Variants in MMP26 observed in about 807,000 individuals in gnomAD.
MMP26 encodes matrix metallopeptidase 26.
MMP26 carries 33 observed loss-of-function variants against 31.0 expected under a neutral mutation model. The observed-to-expected ratio is 1.06, with a 90% CI of 0.81 to 1.42. The LOEUF is 1.42. Among genes scored for constraint, MMP26 ranks in the 40% most tolerant of loss-of-function variants. MMP26 has a pLI of 0.00. For synonymous variants in MMP26, 122 were observed against 114.9 expected, an observed-to-expected ratio of 1.06 and a Z score of -0.40; for missense variants, 347 against 316.1, an observed-to-expected ratio of 1.10 and a Z score of -0.74.
rs552667856 is a variant in MMP26 at position 4,723,218 on chromosome 11, C to T, written c.-217+18173C>T. On this transcript the variant is annotated intron_variant, in intron 1 of 7. Coordinates refer to ENST00000380390, the MANE Select transcript of MMP26 (RefSeq NM_021801.5). ...CAGGGAAGCCCTCTGGCCTTTGAGG[C>T]CCTCAATCTCAGCCTGGAGCCGGCT... 1.0e-5 allele frequency: 14 copies of T among 1,402,864 alleles called. No homozygotes were observed. The South Asian group carries it at 1.4e-4, about 14-fold the overall frequency. The allele number at this position is 1,402,864 out of a possible 1,614,324, so 86.9% of individuals were successfully genotyped here.
intron 2 of MMP26, among the ~76,000 whole-genome samples, chr11:4,979,164 A>G (rs1338933027): frequency 1.3e-5 from 2 of 152,112 alleles, no homozygotes; most frequent in East Asian, 3.9e-4. Context: ...GGCAGCAACA[A>G]CAGTGATACT....
intron 2 of MMP26, chr11:4,946,301 C>G (rs150732161): frequency 1.2e-6 from 2 of 1,613,628 alleles, no homozygotes; most frequent in Non-Finnish European, 1.7e-6. Context: ...AGAGACATGC[C>G]GGGCAAAGCG....
intron 2 of MMP26, among the ~76,000 whole-genome samples, chr11:4,856,851 A>G (rs963320448): frequency 6.6e-6 from 1 of 152,224 alleles, no homozygotes; most frequent in Non-Finnish European, 1.5e-5. Context: ...ATGTAAAAGA[A>G]CAGAAACTAT....
In MMP26 at chr11:4,897,978, A is replaced by C. The variant is rs571334611; in HGVS notation, c.-144-90090A>C. On this transcript the variant is annotated intron_variant, in intron 2 of 7. Coordinates refer to ENST00000380390, the MANE Select transcript of MMP26 (RefSeq NM_021801.5). ...ATATTATATATAAATAATAAATTTA[A>C]AAAGTTTCTATTTTCTCATATATTC... Among the ~76,000 whole-genome samples the C allele has an allele frequency of 3.3e-3, 492 of 148,834 alleles. 1 individual carries two copies. Among genetic ancestry groups the C allele is most frequent in the African/African-American group, 0.012 (482 of 41,004 alleles).
intron 2 of MMP26, chr11:4,832,707 C>T (rs1849662949): frequency 5.1e-6 from 1 of 195,570 alleles, no homozygotes; most frequent in Non-Finnish European, 1.1e-5. Context: ...CCTGCTCTGA[C>T]AACAGGGTTA....
rs545515216 is a variant in MMP26, at chr11:4,931,537, A to T, written c.-144-56531A>T. Among the ~76,000 whole-genome samples, 15 of 152,272 alleles carry T rather than the reference A, an allele frequency of 9.9e-5. No individual in the cohort carries two copies. The South Asian group carries it at 2.9e-3, about 29-fold the overall frequency. On this transcript the variant is annotated intron_variant, in intron 2 of 7. Transcript: ENST00000380390. ...ATAGAGAGATTTATATTATGAATTC[A>T]TTAATTAAAGTATATTAAAACAATA... is the stretch of plus-strand genomic sequence containing the variant.
intron 2 of MMP26, among the ~76,000 whole-genome samples, chr11:4,932,747 G>T (rs953754899): frequency 6.6e-6 from 1 of 152,040 alleles, no homozygotes; most frequent in African/African-American, 2.4e-5. Flanking sequence ...CATGGTTCCT[G>T]GTCAAGAAAC....
intron 2 of MMP26, among the ~76,000 whole-genome samples, chr11:4,806,990 A>G (rs1849279318): frequency 6.6e-6 from 1 of 152,004 alleles, no homozygotes; most frequent in Admixed American, 6.6e-5. Flanking sequence ...GCATACCCAG[A>G]CCATCCTCAT....
rs973434269 is a variant in MMP26 at position 4,769,272 on chromosome 11, T to C, written c.-145+1931T>C. 5 of 1,613,652 alleles carry C rather than the reference T, an allele frequency of 3.1e-6. No individual in the cohort carries two copies. The highest frequency in any genetic ancestry group is 3.3e-5 in the Admixed American group (2 of 60,006). On this transcript the variant is annotated intron_variant, in intron 2 of 7. Transcript: ENST00000380390. ...ATAATTAAGATATATGACAGGACAA[T>C]GCATGGTGTATCTATTCCAGTGGTC... is the stretch of plus-strand genomic sequence containing the variant.
intron 2 of MMP26, among the ~76,000 whole-genome samples, chr11:4,844,431 C>G (rs1849839224): frequency 6.6e-6 from 1 of 151,912 alleles, no homozygotes; most frequent in Non-Finnish European, 1.5e-5. Flanking sequence ...TCAGTATTAC[C>G]ATGATACTAA....
At chr11:4,923,290 G>C (rs576859647) in intron 2 of MMP26, 4 of 1,388,412 alleles carry the variant, frequency 2.9e-6, no homozygotes, top group Admixed American at 2.3e-5. Context: ...GACAGTCAAC[G>C]GTTTATTATT....
At chr11:4,708,617 G>A (rs1307505731) in intron 1 of MMP26, among the ~76,000 whole-genome samples, 1 of 152,134 alleles carries the variant, frequency 6.6e-6, no homozygotes, top group Non-Finnish European at 1.5e-5. Context: ...TCTTTCTATA[G>A]ATAAAAACAG....
intron 2 of MMP26, among the ~76,000 whole-genome samples, chr11:4,961,558 A>C (rs186905310): frequency 5.5e-4 from 84 of 152,340 alleles, no homozygotes; most frequent in African/African-American, 2.0e-3. Context: ...AACCATAAGC[A>C]TCTCCTTAAA....
chr11:4,923,853 A>T (rs754318390), intron 2 of MMP26: 3 of 1,614,012 alleles, frequency 1.9e-6, no homozygotes, highest in South Asian at 2.2e-5. Flanking sequence ...TTCAGGAGGA[A>T]TGGCAAGGGG....
chr11:4,907,452 C>A, intron 2 of MMP26: 1 of 1,613,944 alleles, frequency 6.2e-7, no homozygotes, highest in Non-Finnish European at 8.5e-7. Context: ...ATTTGGTTCT[C>A]CATCCCCATT....
rs117870578 is a variant in MMP26, at chr11:4,963,648, A to G, written c.-144-24420A>G. Among the ~76,000 whole-genome samples, 15 of 152,288 alleles carry G rather than the reference A, an allele frequency of 9.8e-5. No individual in the cohort carries two copies. In the Middle Eastern group the frequency reaches 0.014, roughly 138 times the overall value. ...TGTTATTTACAGAGGTTCAATAAGA[A>G]CCTGACTTCTTTTGAAGCATGATAC... On this transcript the variant is annotated intron_variant, in intron 2 of 7. Coordinates refer to ENST00000380390, the MANE Select transcript of MMP26 (RefSeq NM_021801.5).
At chr11:4,706,330 C>A (rs1027869938) in intron 1 of MMP26, among the ~76,000 whole-genome samples, 1 of 151,738 alleles carries the variant, frequency 6.6e-6, no homozygotes, top group Non-Finnish European at 1.5e-5. Flanking sequence ...GAGGCCAAGG[C>A]AGGTGTATTC....
At chr11:4,766,045 T>C (rs1848624525) in intron 1 of MMP26, among the ~76,000 whole-genome samples, 1 of 152,232 alleles carries the variant, frequency 6.6e-6, no homozygotes, top group African/African-American at 2.4e-5. Flanking sequence ...CCTACATTGA[T>C]GCATTCTTGC....
chr11:4,868,074 G>T (rs1318506816), intron 2 of MMP26, among the ~76,000 whole-genome samples: 3 of 152,226 alleles, frequency 2.0e-5, no homozygotes, highest in African/African-American at 7.2e-5. Flanking sequence ...AAAAAGGAAT[G>T]AAATCATGTC....
Sources: allele counts gnomAD v4.1 joint callset (sites outside exome capture counted in the v4.1 genomes callset), GRCh38; gene constraint gnomAD v4.1.1; transcripts MANE v1.5; gene names NCBI Gene and HGNC (gene_info 2026-07-23, HGNC 2026-07-21).